Variants in ERC2 observed in about 807,000 individuals in gnomAD.
ERC2 encodes the protein ELKS/RAB6-interacting/CAST family member 2.
A neutral mutation model predicts 114.8 loss-of-function variants in ERC2; 42 were observed. The ratio of observed to expected loss-of-function variants is 0.37; its 90% confidence interval spans 0.29 to 0.47. ERC2 has a LOEUF of 0.47. Ranked by LOEUF, ERC2 falls within the 20% of genes least tolerant of loss-of-function variation. The pLI is 0.99. For missense variants in ERC2, 939 were observed against 1,150.7 expected (o/e 0.82, Z 2.66); for synonymous variants, 454 against 425.5 (o/e 1.07, Z -0.82).
chr3:55,884,015 C>G (rs2063247579), intron 14 of ERC2, among the ~76,000 whole-genome samples: 1 of 152,160 alleles, frequency 6.6e-6, no homozygotes, highest in Admixed American at 6.5e-5. Flanking sequence ...GTACCAATAT[C>G]AATTTCCTCA....
At chr3:55,901,344 G>A (rs545009038) in intron 13 of ERC2, among the ~76,000 whole-genome samples, 1 of 152,152 alleles carries the variant, frequency 6.6e-6, no homozygotes, top group Non-Finnish European at 1.5e-5. Context: ...TCTCCACTTA[G>A]AGTCTCATAA....
At chr3:55,860,052 T>C (rs1267807373) in intron 14 of ERC2, among the ~76,000 whole-genome samples, 2 of 152,190 alleles carry the variant, frequency 1.3e-5, no homozygotes, top group African/African-American at 4.8e-5. Flanking sequence ...CCAATTTTAC[T>C]TGAGAGTTTA....
chr3:55,674,994 A>G (rs2061721681), intron 17 of ERC2, among the ~76,000 whole-genome samples: 1 of 152,164 alleles, frequency 6.6e-6, no homozygotes, highest in Non-Finnish European at 1.5e-5. Flanking sequence ...TTTTGTCACC[A>G]TGGGAACAAC....
At chr3:55,950,372 G>C (rs2067414488) in intron 13 of ERC2, 53 bp downstream of exon 13, 4 of 1,599,364 alleles carry the variant, frequency 2.5e-6, no homozygotes, top group Admixed American at 1.7e-5. Context: ...TGACATTTCT[G>C]AGAGAGTCCA....
chr3:55,975,777 G>T (rs765397498), intron 12 of ERC2, among the ~76,000 whole-genome samples: 2 of 152,028 alleles, frequency 1.3e-5, no homozygotes, highest in East Asian at 1.9e-4. Flanking sequence ...TCTCCCTACC[G>T]CAGAGTCTAA....
chr3:55,528,249 G>A (rs942517976), intron 17 of ERC2, among the ~76,000 whole-genome samples: 32 of 152,180 alleles, frequency 2.1e-4, no homozygotes, highest in Non-Finnish European at 1.0e-4. Flanking sequence ...CAGAGGGAGC[G>A]GAAATGAAGG....
intron 2 of ERC2, among the ~76,000 whole-genome samples, chr3:56,388,926 A>G (rs79699141): frequency 0.023 from 3,572 of 152,310 alleles, 39 homozygotes; most frequent in South Asian, 0.07. Flanking sequence ...TAAAATCAAC[A>G]TTAATTATAT....
rs551764410 is a variant in ERC2, at chr3:56,274,137, G to A, written c.1074+21882C>T. On this transcript the variant is annotated intron_variant, in intron 3 of 17. Transcript: ENST00000288221. The stretch of plus-strand genomic sequence containing the variant: ...GAGCAGAGGGCAAGGGAGCATTACC[G>A]CCTGAGCTCCCCCTGCTATCAGCTC... Among the ~76,000 whole-genome samples the A allele has an allele frequency of 2.4e-4, 37 of 152,252 alleles. No individual in the cohort carries two copies. In the South Asian group the frequency reaches 6.4e-3, roughly 26 times the overall value.
chr3:56,326,613 A>G (rs1404633060), intron 2 of ERC2, among the ~76,000 whole-genome samples: 1 of 152,154 alleles, frequency 6.6e-6, no homozygotes, highest in Non-Finnish European at 1.5e-5. Flanking sequence ...TTCTTTCTCT[A>G]CCACTGCTGA....
intron 15 of ERC2, among the ~76,000 whole-genome samples, chr3:55,720,662 C>A (rs979249671): frequency 6.6e-6 from 1 of 152,048 alleles, no homozygotes; most frequent in African/African-American, 2.4e-5. Context: ...TACCTGGCTC[C>A]CAAAAAAGCA....
chr3:55,845,401 G>A, intron 14 of ERC2, among the ~76,000 whole-genome samples: 1 of 150,092 alleles, frequency 6.7e-6, no homozygotes. Context: ...CTGCTTGGGA[G>A]GCTGAGGCAG....
chr3:55,864,354 T>C (rs886962556), intron 14 of ERC2, among the ~76,000 whole-genome samples: 1 of 151,386 alleles, frequency 6.6e-6, no homozygotes. Context: ...GACTCTAAAA[T>C]AGCAGTTTCA....
At chr3:55,780,916 A>G (rs574914258) in intron 14 of ERC2, among the ~76,000 whole-genome samples, 1 of 152,340 alleles carries the variant, frequency 6.6e-6, no homozygotes, top group Non-Finnish European at 1.5e-5. Context: ...GAGCTCACTC[A>G]GCTTCATAGG....
chr3:56,242,699 A>G (rs1397164305), intron 3 of ERC2, among the ~76,000 whole-genome samples: 1 of 152,100 alleles, frequency 6.6e-6, no homozygotes, highest in Non-Finnish European at 1.5e-5. Context: ...GAAAATTATT[A>G]TGTTCTTCCA....
chr3:55,734,452 T>C (rs1445088514), intron 15 of ERC2, among the ~76,000 whole-genome samples: 1 of 152,066 alleles, frequency 6.6e-6, no homozygotes, highest in East Asian at 1.9e-4. Context: ...AATTATAAGT[T>C]TCTAGAATTT....
At chr3:55,540,171 T>C (rs1228397022) in intron 17 of ERC2, among the ~76,000 whole-genome samples, 2 of 152,352 alleles carry the variant, frequency 1.3e-5, no homozygotes, top group East Asian at 3.9e-4. Context: ...CCTGAGGTTA[T>C]ATCCTACCTG....
At chr3:55,617,459 G>T (rs1375312138) in intron 17 of ERC2, among the ~76,000 whole-genome samples, 1 of 152,184 alleles carries the variant, frequency 6.6e-6, no homozygotes, top group Non-Finnish European at 1.5e-5. Flanking sequence ...CTCTCAAGGA[G>T]ACTTACCAAG....
Position 55,870,404 on chromosome 3 carries a change from T to C in ERC2, c.2564+17985A>G, listed in dbSNP as rs567815499. Among the ~76,000 whole-genome samples, 11 of 152,340 alleles carry C rather than the reference T, an allele frequency of 7.2e-5. No individual in the cohort carries two copies. The South Asian group carries it at 2.3e-3, about 32-fold the overall frequency. ...AGACTTTTCAAGAGACAGAGTTCTCTGAAGAAGGAATGAGTTCCCTCAATG... is the reference window on the plus strand; with the variant it reads ...AGACTTTTCAAGAGACAGAGTTCTCCGAAGAAGGAATGAGTTCCCTCAATG... On this transcript the variant is annotated intron_variant, in intron 14 of 17. Coordinates refer to ENST00000288221, the MANE Select transcript of ERC2 (RefSeq NM_015576.3).
At chr3:55,831,636 G>A (rs1431766594) in intron 14 of ERC2, among the ~76,000 whole-genome samples, 1 of 152,164 alleles carries the variant, frequency 6.6e-6, no homozygotes, top group Non-Finnish European at 1.5e-5. Flanking sequence ...CAGCCAAGAT[G>A]GCCGAATAGG....
Sources: gnomAD v4.1 joint callset for allele counts (sites outside exome capture counted in the v4.1 genomes callset) on GRCh38, gnomAD v4.1.1 for gene constraint, MANE v1.5 for transcripts, NCBI Gene and HGNC (gene_info 2026-07-23, HGNC 2026-07-21) for gene names.